Variants in CNR1 observed in about 807,000 individuals in gnomAD.
CNR1 encodes the protein cannabinoid receptor 1 (brain).
CNR1 carries 10 observed loss-of-function variants against 23.0 expected under a neutral mutation model. The ratio of observed to expected loss-of-function variants is 0.43; its 90% CI spans 0.27 to 0.74. The LOEUF is 0.74. CNR1 is among the 30% of genes least tolerant of loss of function. CNR1 has a pLI of 0.19. For synonymous variants in CNR1, 271 were observed against 255.2 expected (o/e 1.06, Z -0.59); for missense variants, 422 against 618.8 (o/e 0.68, Z 3.37).
chr6:88,166,556 C>T (rs1778378270), upstream of CNR1, among the ~76,000 whole-genome samples: 1 of 152,132 alleles, frequency 6.6e-6, no homozygotes, highest in Admixed American at 6.5e-5. Flanking sequence ...GGACAAGCCT[C>T]TTCGGCCCGC....
At chr6:88,149,453 A>T (rs1254391283) in intron 1 of CNR1, among the ~76,000 whole-genome samples, 1 of 152,226 alleles carries the variant, frequency 6.6e-6, no homozygotes. Flanking sequence ...TTTGCTTAAC[A>T]ACTCCATTTA....
chr6:88,164,684 A>G (rs1321452906), intron 1 of CNR1, among the ~76,000 whole-genome samples: 1 of 152,198 alleles, frequency 6.6e-6, no homozygotes, highest in Non-Finnish European at 1.5e-5. Context: ...TAAATCACAT[A>G]AAGTCCTATG....
upstream of CNR1, among the ~76,000 whole-genome samples, chr6:88,166,981 C>T (rs1189085355): frequency 1.3e-5 from 2 of 151,872 alleles, no homozygotes; most frequent in Admixed American, 6.6e-5. Context: ...TGCGGTCGCG[C>T]GGCCACCTGT....
At chr6:88,158,206 T>C (rs12205430) in intron 1 of CNR1, among the ~76,000 whole-genome samples, 23,899 of 152,230 alleles carry the variant, frequency 0.16, 2,438 homozygotes, top group Middle Eastern at 0.26. Flanking sequence ...TTAAGAAGTA[T>C]GTATGCAAAT....
intron 1 of CNR1, among the ~76,000 whole-genome samples, chr6:88,148,636 TATTTA>T (rs1777341860): frequency 6.6e-6 from 1 of 152,346 alleles, no homozygotes; most frequent in South Asian, 2.1e-4. Context: ...AAATATGCTC[TATTTA>T]GGTAAGGTTA....
In CNR1 at chr6:88,147,041, C is replaced by T. The variant is rs935697695; in HGVS notation, c.-63-1704G>A. On this transcript the variant is annotated intron_variant, in intron 1 of 1. Transcript: ENST00000369501. ...GGCACAGTAGTTCATGCCTGTAATCCCAGCACTTTGGGAGGCTGAGGTGGG... is the reference window on the plus strand; with the variant it reads ...GGCACAGTAGTTCATGCCTGTAATCTCAGCACTTTGGGAGGCTGAGGTGGG... 3.3e-5 allele frequency among the ~76,000 whole-genome samples: 5 copies of T among 152,078 alleles called. No individual in the cohort carries two copies. The East Asian group carries it at 9.6e-4, about 29-fold the overall frequency.
In CNR1 at chr6:88,144,465, G is replaced by A. The variant is rs774428804; in HGVS notation, c.810C>T (p.His270=). Residue 270 remains histidine, a synonymous_variant, in exon 2 of 2, where the codon CAC becomes CAT. Transcript: ENST00000369501. This position sits in a 1 kb window ranked among gnomAD's most constrained non-coding sequence, Gnocchi z 7.8. ...LQSVCSDIFP[H]IDETYLMFWI... ...AGAACATCAGGTAGGTTTCATCAAT[G>A]TGTGGGAAAATGTCTGAGCAAACAG... The A allele has an allele frequency of 2.6e-5, 42 of 1,614,178 alleles. No homozygotes were observed. The highest frequency in any genetic ancestry group is 2.6e-5 in the Non-Finnish European group (31 of 1,180,042).
At chr6:88,152,147 G>A (rs928957416) in intron 1 of CNR1, among the ~76,000 whole-genome samples, 20 of 150,694 alleles carry the variant, frequency 1.3e-4, no homozygotes, top group African/African-American at 3.7e-4. Flanking sequence ...CCCGGGAGGC[G>A]GAGCTTGCAG....
rs1432598222 is a variant in CNR1, at chr6:88,144,027, T to G, written c.1248A>C (p.Glu416Asp). Residue 416 changes from glutamate (E) to aspartate (D), a missense_variant, in exon 2 of 2, where the codon GAA (glutamate) becomes GAC (aspartate). Transcript: ENST00000369501. The surrounding 1 kb of genome is among the most constrained non-coding windows in gnomAD (Gnocchi z 7.8). ...TGTTATCCAGAGGCTGCGCAGTGCC[T>G]TCACAAGAGGGAAACATGCTCCGGA... ...HAFRSMFPSC[E>D]GTAQPLDNSM... The G allele has an allele frequency of 6.2e-7, 1 of 1,614,072 alleles. No individual in the cohort carries two copies. Among genetic ancestry groups the G allele is most frequent in the East Asian group, 2.2e-5 (1 of 44,870 alleles).
chr6:88,147,444 G>C (rs1049185033), intron 1 of CNR1, among the ~76,000 whole-genome samples: 1 of 152,218 alleles, frequency 6.6e-6, no homozygotes, highest in Non-Finnish European at 1.5e-5. Flanking sequence ...CCAGTCTAGA[G>C]GGCTGAAGGA....
At chr6:88,153,292 T>G (rs925157005) in intron 1 of CNR1, among the ~76,000 whole-genome samples, 6 of 151,964 alleles carry the variant, frequency 3.9e-5, no homozygotes, top group Non-Finnish European at 7.4e-5. Flanking sequence ...AAAGTTGTTG[T>G]TTTTTTTAAT....
Position 88,144,536 on chromosome 6 carries a change from T to A in CNR1, c.739A>T (p.Ile247Phe). ...FCLMWTIAIV[I>F]AVLPLLGWNC... ...CAGCCCAGGAGAGGCAGCACGGCGATCACAATGGCTATGGTCCACATCAGG... is the reference window on the plus strand; with the variant it reads ...CAGCCCAGGAGAGGCAGCACGGCGAACACAATGGCTATGGTCCACATCAGG... The change falls in exon 2 of 2, where the codon ATC becomes TTC. Residue 247 changes from isoleucine to phenylalanine, a missense_variant. By Grantham distance (21) the Ile-to-Phe change is conservative. This residue lies in a region of CNR1 where 211 missense variants were observed against 357.3 expected (regional missense o/e 0.59). Coordinates refer to ENST00000369501, the MANE Select transcript of CNR1 (RefSeq NM_016083.6). The surrounding 1 kb of genome is among the most constrained non-coding windows in gnomAD (Gnocchi z 7.8). The A allele has an allele frequency of 2.5e-6, 4 of 1,614,152 alleles. No individual in the cohort carries two copies.
In CNR1 at chr6:88,143,987, C is replaced by T. The variant is rs1776987636; in HGVS notation, c.1288G>A (p.Asp430Asn). 1.9e-6 allele frequency: 3 copies of T among 1,614,000 alleles called. No individual in the cohort carries two copies. The East Asian group carries it at 6.7e-5, about 36-fold the overall frequency. Residue 430 changes from aspartate (D) to asparagine (N), a missense_variant, in exon 2 of 2, where the codon GAC becomes AAC. By Grantham distance (23) the Asp-to-Asn change is conservative. Transcript: ENST00000369501. ...QPLDNSMGDS[D>N]CLHKHANNAA... ...TTGTTTGCGTGTTTGTGCAGGCAGT[C>T]CGAGTCCCCCATGCTGTTATCCAGA...
Position 88,143,402 on chromosome 6 carries a change from T to C in CNR1, c.*454A>G, listed in dbSNP as rs1776937893. The stretch of plus-strand genomic sequence containing the variant: ...ACAAATATTAATAGCACATAAACAC[T>C]GATACACATCTCACAGGACATAATA... On this transcript the variant is annotated 3_prime_UTR_variant, in exon 2 of 2. Coordinates refer to ENST00000369501, the MANE Select transcript of CNR1 (RefSeq NM_016083.6). 1 of 161,314 alleles carries C rather than the reference T, an allele frequency of 6.2e-6. No homozygotes were observed. 10.0% of individuals were successfully genotyped at this position (161,314 alleles called of 1,614,324 possible). A position where few individuals can be genotyped will look rare whatever the true frequency, so the allele number is the denominator to read the frequency against.
intron 1 of CNR1, among the ~76,000 whole-genome samples, chr6:88,159,855 A>C (rs1777994580): frequency 6.6e-6 from 1 of 152,252 alleles, no homozygotes; most frequent in South Asian, 2.1e-4. Context: ...GCCATGGAAT[A>C]AACCAAAATA....
Position 88,143,921 on chromosome 6 carries a change from T to C in CNR1, c.1354A>G (p.Ser452Gly). ...VHRAAESCIK[S>G]TVKIAKVTMS... ...GTTACCTTGGCAATCTTGACCGTGC[T>C]CTTGATGCAGCTTTCTGCGGCCCTG... Residue 452 changes from serine to glycine, a missense_variant, in exon 2 of 2, where the codon AGC becomes GGC. By Grantham distance (56) the Ser-to-Gly change is moderately conservative (BLOSUM62 0). Around this residue, in one of 4 missense-constraint regions of CNR1, gnomAD observed 79 missense variants for 98.0 expected, o/e 0.81. Transcript: ENST00000369501. The C allele has an allele frequency of 1.9e-6, 3 of 1,614,146 alleles. No individual in the cohort carries two copies. Among genetic ancestry groups the C allele is most frequent in the Non-Finnish European group, 2.5e-6 (3 of 1,180,042 alleles).
intron 1 of CNR1, among the ~76,000 whole-genome samples, chr6:88,160,227 G>C (rs1256875885): frequency 6.6e-6 from 1 of 151,920 alleles, no homozygotes; most frequent in African/African-American, 2.4e-5. Context: ...GGAAGCGGAG[G>C]CTGCAGTGAG....
chr6:88,162,179 A>G (rs959428736), intron 1 of CNR1, among the ~76,000 whole-genome samples: 2 of 152,184 alleles, frequency 1.3e-5, no homozygotes, highest in African/African-American at 4.8e-5. Flanking sequence ...TTAACTCTTC[A>G]GTGTCCATCT....
rs1777050772 is a variant in CNR1, at chr6:88,144,694, C to G, written c.581G>C (p.Gly194Ala). Residue 194 changes from glycine (G) to alanine (A), a missense_variant, in exon 2 of 2, where the codon GGT (glycine) becomes GCT (alanine). This residue lies in a region of CNR1 where 211 missense variants were observed against 357.3 expected (regional missense o/e 0.59). Coordinates refer to ENST00000369501, the MANE Select transcript of CNR1 (RefSeq NM_016083.6). The surrounding 1 kb of genome is among the most constrained non-coding windows in gnomAD (Gnocchi z 7.8). ...GGCAGTGAAGGAGGCCGTGACCCCA[C>G]CCAGTTTGAACAGAAACACGTTGCG... ...DSRNVFLFKL[G>A]GVTASFTASV... The G allele has an allele frequency of 6.2e-7, 1 of 1,614,174 alleles. No individual in the cohort carries two copies. Among genetic ancestry groups the G allele is most frequent in the African/African-American group, 1.3e-5 (1 of 75,042 alleles).
Sources: allele counts gnomAD v4.1 joint callset (sites outside exome capture counted in the v4.1 genomes callset), GRCh38; gene constraint gnomAD v4.1.1; regional missense constraint gnomAD v4.1.1; non-coding constraint Gnocchi (gnomAD v3.1); transcripts MANE v1.5; gene names NCBI Gene and HGNC (gene_info 2026-07-23, HGNC 2026-07-21).